Variants in ADGRB3 observed in about 807,000 individuals in gnomAD.
ADGRB3 encodes the protein adhesion G protein-coupled receptor B3.
In ADGRB3, 37 loss-of-function variants were observed where a neutral mutation model predicts 193.4. The observed-to-expected ratio is 0.19, with a 90% confidence interval of 0.15 to 0.25. The LOEUF (loss-of-function observed/expected upper bound fraction) is 0.25, where lower values mean the gene tolerates loss of function less well. Ranked by LOEUF, ADGRB3 falls within the 10% of genes least tolerant of loss-of-function variation. The pLI, the probability that ADGRB3 is intolerant of heterozygous loss-of-function variation, is 1.00. For missense variants in ADGRB3, 1,637 were observed against 1,852.9 expected, an observed-to-expected ratio of 0.88 and a Z score of 2.14; for synonymous variants, 690 against 644.2, an observed-to-expected ratio of 1.07 and a Z score of -1.08.
intron 17 of ADGRB3, among the ~76,000 whole-genome samples, chr6:69,148,004 C>T (rs1169541699): frequency 3.9e-5 from 6 of 152,056 alleles, no homozygotes. Context: ...CATCCCTTTA[C>T]TTTCAGTCTA....
At chr6:69,283,598 T>A (rs1306403318) in intron 20 of ADGRB3, among the ~76,000 whole-genome samples, 1 of 151,918 alleles carries the variant, frequency 6.6e-6, no homozygotes, top group East Asian at 1.9e-4. Context: ...CATACCTCAG[T>A]TTTTTCCTCT....
chr6:68,701,129 CA>C (rs1765236461), intron 3 of ADGRB3, among the ~76,000 whole-genome samples: 1 of 150,606 alleles, frequency 6.6e-6, no homozygotes, highest in South Asian at 2.1e-4. Flanking sequence ...AAAAGCACTT[CA>C]AAATGATTAG....
chr6:69,274,877 A>G (rs1767267773), intron 20 of ADGRB3, among the ~76,000 whole-genome samples: 1 of 152,054 alleles, frequency 6.6e-6, no homozygotes, highest in Admixed American at 6.6e-5. Flanking sequence ...TTGGCCAAAG[A>G]ATGAAACTGA....
At chr6:69,124,424 G>A (rs1434153574) in intron 17 of ADGRB3, among the ~76,000 whole-genome samples, 1 of 152,032 alleles carries the variant, frequency 6.6e-6, no homozygotes, top group Non-Finnish European at 1.5e-5. Context: ...TTAGAATTCT[G>A]TAGCGGCCAA....
intron 10 of ADGRB3, among the ~76,000 whole-genome samples, chr6:68,993,252 A>G (rs1769290750): frequency 2.6e-5 from 4 of 152,258 alleles, no homozygotes; most frequent in Admixed American, 2.6e-4. Flanking sequence ...GTAAATCTCC[A>G]AAGTTTAAAG....
At chr6:68,912,017 A>G (rs1237259083) in intron 3 of ADGRB3, among the ~76,000 whole-genome samples, 11 of 152,130 alleles carry the variant, frequency 7.2e-5, no homozygotes, top group Non-Finnish European at 2.9e-5. Context: ...ACACAGAAAA[A>G]TAAAGTATTT....
chr6:69,070,177 A>G (rs966135615), intron 16 of ADGRB3, among the ~76,000 whole-genome samples: 2 of 152,166 alleles, frequency 1.3e-5, no homozygotes, highest in Non-Finnish European at 2.9e-5. Context: ...GCCTCCACTG[A>G]AAAGAGATTA....
intron 3 of ADGRB3, among the ~76,000 whole-genome samples, chr6:68,783,858 C>G (rs1232775788): frequency 6.6e-6 from 1 of 151,864 alleles, no homozygotes. Context: ...GGATGAATGC[C>G]AGAAGGATGC....
intron 17 of ADGRB3, among the ~76,000 whole-genome samples, chr6:69,123,767 G>A (rs1163486444): frequency 1.3e-5 from 2 of 152,150 alleles, no homozygotes; most frequent in East Asian, 3.8e-4. Context: ...GGCCAAGTTA[G>A]AACATATCTG....
chr6:69,031,687 T>G (rs746871860), intron 13 of ADGRB3, among the ~76,000 whole-genome samples: 75 of 151,484 alleles, frequency 5.0e-4, no homozygotes, highest in Non-Finnish European at 9.7e-4. Flanking sequence ...CAGGCTGGAG[T>G]GCAGTGGCAT....
intron 26 of ADGRB3, among the ~76,000 whole-genome samples, chr6:69,350,779 T>A (rs574376735): frequency 6.6e-5 from 10 of 152,162 alleles, no homozygotes; most frequent in Admixed American, 1.3e-4. Flanking sequence ...ATTTTATTTT[T>A]TTTATTTTTT....
intron 26 of ADGRB3, among the ~76,000 whole-genome samples, chr6:69,342,917 A>ATATTTC (rs1313827021): frequency 6.6e-6 from 1 of 151,818 alleles, no homozygotes; most frequent in Non-Finnish European, 1.5e-5. Flanking sequence ...GGATATATAT[A>ATATTTC]TATTTCTATT....
At chr6:68,835,858 T>C (rs553652044) in intron 3 of ADGRB3, among the ~76,000 whole-genome samples, 2 of 152,258 alleles carry the variant, frequency 1.3e-5, no homozygotes, top group Admixed American at 6.5e-5. Flanking sequence ...GTTTAGTGGA[T>C]TATTTATTTT....
intron 17 of ADGRB3, among the ~76,000 whole-genome samples, chr6:69,170,851 G>C (rs1775253696): frequency 6.6e-6 from 1 of 152,102 alleles, no homozygotes; most frequent in Non-Finnish European, 1.5e-5. Context: ...GTTCAATTTT[G>C]CTTGAAGGTA....
chr6:69,197,883 C>G (rs370661015), intron 17 of ADGRB3, among the ~76,000 whole-genome samples: 4 of 152,146 alleles, frequency 2.6e-5, no homozygotes, highest in African/African-American at 9.6e-5. Context: ...CCCTTTGTGC[C>G]TATCCACTTA....
intron 20 of ADGRB3, among the ~76,000 whole-genome samples, chr6:69,311,370 C>T (rs1318906307): frequency 6.6e-6 from 1 of 151,708 alleles, no homozygotes; most frequent in Non-Finnish European, 1.5e-5. Context: ...TATGTGGTTT[C>T]AGAGTTGGAA....
intron 6 of ADGRB3, among the ~76,000 whole-genome samples, chr6:68,944,623 A>G (rs953934223): frequency 6.6e-6 from 1 of 152,100 alleles, no homozygotes; most frequent in Non-Finnish European, 1.5e-5. Flanking sequence ...TATTTTATCT[A>G]TCCTTGATAA....
chr6:68,757,168 A>G (rs942465086), intron 3 of ADGRB3, among the ~76,000 whole-genome samples: 1 of 151,620 alleles, frequency 6.6e-6, no homozygotes, highest in Non-Finnish European at 1.5e-5. Context: ...GGAGCACTCA[A>G]CTCCTTTCTG....
intron 3 of ADGRB3, among the ~76,000 whole-genome samples, chr6:68,901,028 C>T (rs1347679322): frequency 6.6e-6 from 1 of 152,030 alleles, no homozygotes; most frequent in African/African-American, 2.4e-5. Flanking sequence ...TACCATGAGC[C>T]CTACTTCTTT....
Sources: gnomAD v4.1 joint callset for allele counts (sites outside exome capture counted in the v4.1 genomes callset) on GRCh38, gnomAD v4.1.1 for gene constraint, MANE v1.5 for transcripts, NCBI Gene and HGNC (gene_info 2026-07-23, HGNC 2026-07-21) for gene names.